ELAPOR1: variants seen among roughly 807,000 people sequenced by gnomAD.
The protein encoded by ELAPOR1 is endosome-lysosome associated apoptosis and autophagy regulator 1.
Under a neutral mutation model 119.7 loss-of-function variants are expected in ELAPOR1, and 77 were observed. The observed-to-expected ratio is 0.64, with a 90% CI of 0.54 to 0.78. ELAPOR1 has a LOEUF of 0.78. Ranked by LOEUF, ELAPOR1 falls within the 30% of genes least tolerant of loss-of-function variation. ELAPOR1 has a pLI of 0.00. For synonymous variants in ELAPOR1, 481 were observed against 487.2 expected (o/e 0.99, Z 0.17); for missense variants, 1,115 against 1,270.4 (o/e 0.88, Z 1.86).
intron 7 of ELAPOR1, among the ~76,000 whole-genome samples, chr1:109,174,988 T>A (rs912482299): frequency 3.3e-5 from 5 of 151,914 alleles, no homozygotes. Context: ...GTGCTGGGAT[T>A]ATAGGCATGA....
chr1:109,149,877 G>A (rs1301155904), intron 1 of ELAPOR1, among the ~76,000 whole-genome samples: 4 of 152,200 alleles, frequency 2.6e-5, no homozygotes, highest in East Asian at 3.9e-4. Flanking sequence ...CAGGGAGCTC[G>A]AGGTGGAAGG....
intron 1 of ELAPOR1, among the ~76,000 whole-genome samples, chr1:109,133,001 A>G (rs1649243348): frequency 6.6e-6 from 1 of 152,160 alleles, no homozygotes; most frequent in Non-Finnish European, 1.5e-5. Flanking sequence ...AGGCCGAGGC[A>G]GGAGGACCAC....
chr1:109,127,880 A>C (rs973826633), intron 1 of ELAPOR1, among the ~76,000 whole-genome samples: 10 of 133,352 alleles, frequency 7.5e-5, no homozygotes, highest in African/African-American at 2.6e-4. Flanking sequence ...TTTTTTTTTT[A>C]AGTCTTTTCT....
At position 109,201,967 on chromosome 1, in the gene ELAPOR1, G is replaced by C. The variant is rs565832735; in HGVS notation, c.2974-977G>C. Among the ~76,000 whole-genome samples the C allele has an allele frequency of 7.4e-4, 112 of 152,262 alleles. No homozygotes were observed. The South Asian group carries it at 7.9e-3, about 11-fold the overall frequency. On this transcript the variant is annotated intron_variant, in intron 21 of 21. Coordinates refer to ENST00000369939, the MANE Select transcript of ELAPOR1 (RefSeq NM_020775.5). Reference sequence around the variant, plus strand: ...AAAAAACAATCAGCTGGGTGTTGTGGAGCATGCCAGTAGTCTCAGCTACTT... The same window carrying C: ...AAAAAACAATCAGCTGGGTGTTGTGCAGCATGCCAGTAGTCTCAGCTACTT...
At chr1:109,139,532 C>T (rs1649696037) in intron 1 of ELAPOR1, among the ~76,000 whole-genome samples, 1 of 151,914 alleles carries the variant, frequency 6.6e-6, no homozygotes, top group African/African-American at 2.4e-5. Flanking sequence ...GTAGTCACAA[C>T]ATCAAAGTAT....
intron 7 of ELAPOR1, among the ~76,000 whole-genome samples, chr1:109,180,361 G>T (rs1382722669): frequency 6.6e-6 from 1 of 152,154 alleles, no homozygotes; most frequent in Non-Finnish European, 1.5e-5. Flanking sequence ...GGGAAGGACA[G>T]CTGGGCACAG....
Position 109,198,636 on chromosome 1 carries a change from T to G in ELAPOR1, c.2463T>G (p.Ser821Arg), listed in dbSNP as rs762181080. ...GRSTTIRVRC[S>R]PQKTVPGSLL... ...CAACCACCATCCGCGTCAGGTGCAGTCCACAGAAAACTGTCCCTGGAAGTT... is the reference window on the plus strand; with the variant it reads ...CAACCACCATCCGCGTCAGGTGCAGGCCACAGAAAACTGTCCCTGGAAGTT... The change falls in exon 18 of 22, where the codon AGT becomes AGG. Residue 821 changes from serine to arginine, a missense_variant. Ser to Arg is a moderately radical substitution (Grantham distance 110). Transcript: ENST00000369939. 3.1e-6 allele frequency: 5 copies of G among 1,613,816 alleles called. No homozygotes were observed. Among genetic ancestry groups the G allele is most frequent in the Non-Finnish European group, 2.5e-6 (3 of 1,179,958 alleles).
intron 1 of ELAPOR1, among the ~76,000 whole-genome samples, chr1:109,137,924 T>C (rs972671910): frequency 3.3e-5 from 5 of 152,358 alleles, no homozygotes; most frequent in Middle Eastern, 3.4e-3. Context: ...CTTCACAAAG[T>C]ATACAAACTT....
intron 1 of ELAPOR1, among the ~76,000 whole-genome samples, chr1:109,149,776 G>C (rs1261473009): frequency 6.6e-6 from 1 of 152,204 alleles, no homozygotes; most frequent in Non-Finnish European, 1.5e-5. Context: ...GTGTTTGAAG[G>C]TGGTAAGTGC....
At chr1:109,195,861 A>G (rs1384641454) in intron 15 of ELAPOR1, among the ~76,000 whole-genome samples, 1 of 152,248 alleles carries the variant, frequency 6.6e-6, no homozygotes, top group African/African-American at 2.4e-5. Flanking sequence ...GTTCATTTCA[A>G]ATGTTACAAA....
intron 5 of ELAPOR1, among the ~76,000 whole-genome samples, chr1:109,173,049 A>T (rs528533429): frequency 1.4e-5 from 2 of 147,714 alleles, no homozygotes; most frequent in Admixed American, 1.4e-4. Flanking sequence ...GTGAGCTGAG[A>T]TCGAGCCATT....
chr1:109,173,521 C>T lies in ELAPOR1; in HGVS notation c.744C>T (p.Ala248=). ...GNNVLYWRTT[A]FSVWTKVPKP... is the part of the protein sequence containing the mutation. The stretch of plus-strand genomic sequence containing the variant: ...ATGTCCTCTATTGGAGAACCACAGC[C>T]TTCTCAGTATGGACCAAAGTACCCA... The change falls in exon 6 of 22, where the codon GCC becomes GCT. Residue 248 remains alanine (A), a synonymous_variant. Coordinates refer to ENST00000369939, the MANE Select transcript of ELAPOR1 (RefSeq NM_020775.5). 1 of 1,614,218 alleles carries T rather than the reference C, an allele frequency of 6.2e-7. No individual in the cohort carries two copies. The highest frequency in any genetic ancestry group is 8.5e-7 in the Non-Finnish European group (1 of 1,180,042).
At chr1:109,193,279 G>C (rs538362080) in intron 14 of ELAPOR1, among the ~76,000 whole-genome samples, 1 of 152,184 alleles carries the variant, frequency 6.6e-6, no homozygotes, top group South Asian at 2.1e-4. Flanking sequence ...CCCAACCATT[G>C]CTGGGACATA....
At position 109,164,706 on chromosome 1, in the gene ELAPOR1, AC is replaced by A. The variant is rs1312267160; in HGVS notation, c.467+20del. ...AACTGTACTTCGTGAGTCTGCACAC[AC>A]CCCCACCCCACCCCCAGCCCACTGG... On this transcript the variant is annotated intron_variant, in intron 3 of 21. Transcript: ENST00000369939. 4 of 1,597,054 alleles carry A rather than the reference AC, an allele frequency of 2.5e-6. No individual in the cohort carries two copies. The highest frequency in any genetic ancestry group is 3.4e-6 in the Non-Finnish European group (4 of 1,168,342).
At chr1:109,192,543 C>T (rs1021610763) in intron 13 of ELAPOR1, 68 bp from the exon 14 acceptor site, 1 of 1,517,880 alleles carries the variant, frequency 6.6e-7, no homozygotes, top group Non-Finnish European at 9.0e-7. Context: ...CTTGCTCTTT[C>T]TAGAGGCCTC....
intron 7 of ELAPOR1, among the ~76,000 whole-genome samples, chr1:109,180,508 TAA>T (rs5776964): frequency 1.2e-4 from 18 of 150,602 alleles, no homozygotes; most frequent in East Asian, 3.9e-4. Flanking sequence ...CCCATCTCTT[TAA>T]AAAAAAAAAT....
Position 109,200,905 on chromosome 1 carries a change from G to A in ELAPOR1, c.2973+5G>A. 1 of 1,612,788 alleles carries A rather than the reference G, an allele frequency of 6.2e-7. No individual in the cohort carries two copies. Among genetic ancestry groups the A allele is most frequent in the Non-Finnish European group, 8.5e-7 (1 of 1,179,308 alleles). On this transcript the variant is annotated splice_donor_5th_base_variant and intron_variant, in intron 21 of 21. Transcript: ENST00000369939. ...ATCAAATCATTTACCTCCAAGGTAG[G>A]GGTCCTGGCCAGTGCACTGAGGTCA...
intron 3 of ELAPOR1, among the ~76,000 whole-genome samples, chr1:109,165,152 T>G (rs1188576792): frequency 6.6e-6 from 1 of 151,920 alleles, no homozygotes; most frequent in Non-Finnish European, 1.5e-5. Context: ...ATTTGCCAGG[T>G]GTGGTGGTGC....
At chr1:109,201,247 A>T (rs896162525) in intron 21 of ELAPOR1, 10 of 458,462 alleles carry the variant, frequency 2.2e-5, no homozygotes, top group Non-Finnish European at 3.9e-5. Flanking sequence ...AAAAGGGAAA[A>T]GGTGATCTCT....
Sources: gnomAD v4.1 joint callset for allele counts (sites outside exome capture counted in the v4.1 genomes callset) on GRCh38, gnomAD v4.1.1 for gene constraint, MANE v1.5 for transcripts, NCBI Gene and HGNC (gene_info 2026-07-23, HGNC 2026-07-21) for gene names.